The following TAS1R2 variants were observed in gnomAD, a reference collection of about 807,000 sequenced individuals.
TAS1R2 encodes taste receptor type 1 member 2.
Under a neutral mutation model 49.3 loss-of-function variants are expected in TAS1R2, and 47 were observed. That is an observed-to-expected ratio of 0.95 (90% CI 0.75 to 1.22). TAS1R2 has a LOEUF of 1.22. TAS1R2 is among the 50% of genes most tolerant of loss of function. The pLI is 0.00. For synonymous variants in TAS1R2, 479 were observed against 467.9 expected (o/e 1.02, Z -0.31); for missense variants, 1,155 against 1,122.1 (o/e 1.03, Z -0.42).
chr1:18,842,804 G>T (rs1034514258), intron 4 of TAS1R2, among the ~76,000 whole-genome samples: 7 of 152,176 alleles, frequency 4.6e-5, no homozygotes, highest in Non-Finnish European at 8.8e-5. Flanking sequence ...AGGAAGAAAT[G>T]GGGAGTTGTT....
At chr1:18,842,032 A>C (rs1298572850) in intron 4 of TAS1R2, among the ~76,000 whole-genome samples, 180 bp from the exon 5 acceptor site, 1 of 152,076 alleles carries the variant, frequency 6.6e-6, no homozygotes, top group East Asian at 1.9e-4. Context: ...TAAGGAAAGC[A>C]GCCATTCTGA....
At chr1:18,859,382 C>T (rs867708079) in intron 1 of TAS1R2, 97 bp downstream of exon 1, 1 of 1,440,012 alleles carries the variant, frequency 6.9e-7, no homozygotes, top group South Asian at 1.2e-5. Context: ...GTGCTTTAAG[C>T]CCTTGGTCCT....
exon 6 of TAS1R2, chr1:18,839,760 G>T (rs1232412599): frequency 6.2e-7 from 1 of 1,614,136 alleles, no homozygotes; most frequent in African/African-American, 1.3e-5. Flanking sequence ...ATGGTGACCA[G>T]CACCCCGCTG....
chr1:18,839,919 G>T, exon 6 of TAS1R2: 3 of 1,614,270 alleles, frequency 1.9e-6, no homozygotes, highest in Non-Finnish European at 2.5e-6. Context: ...AGCAGGTCCA[G>T]GCTGGTGTTG....
At chr1:18,839,867 T>C (rs1431427720) in exon 6 of TAS1R2, 2 of 1,614,080 alleles carry the variant, frequency 1.2e-6, no homozygotes, top group Non-Finnish European at 1.7e-6. Flanking sequence ...GGTGGGCAGC[T>C]CTTTGCCCAT....
Position 18,849,417 on chromosome 1 carries a change from C to T in TAS1R2, c.1391G>A (p.Ser464Asn), listed in dbSNP as rs75594164. ...CTGCAGGGGGTAGTAGGAGGCGACGCTCTGGAAGGGATTCTGGCTCCGGTC... is the reference window on the plus strand; with the variant it reads ...CTGCAGGGGGTAGTAGGAGGCGACGTTCTGGAAGGGATTCTGGCTCCGGTC... The change falls in exon 4 of 6, where the codon AGC becomes AAC. Residue 464 changes from serine (S) to asparagine (N), a missense_variant. Physicochemically the swap from Ser to Asn is conservative, Grantham distance 46 (BLOSUM62 1). Transcript: ENST00000375371. 869 of 1,614,236 alleles carry T rather than the reference C, an allele frequency of 5.4e-4. 5 individuals are homozygous for T. In the African/African-American group the frequency reaches 0.01, roughly 19 times the overall value.
In TAS1R2 at chr1:18,854,452, C is replaced by T. The variant is rs977494244; in HGVS notation, c.1018G>A (p.Glu340Lys). The change falls in exon 3 of 6, where the codon GAG (glutamate) becomes AAG (lysine). Residue 340 changes from glutamate (E) to lysine (K), a missense_variant. Transcript: ENST00000375371. This position sits in a 1 kb window ranked among gnomAD's most constrained non-coding sequence, Gnocchi z 4.9. ...GGCGGCCCAGCCTGTGGGCCCCACT[C>T]GCGGAACTCACTGAAGCCCGGGATG... 6 of 1,614,048 alleles carry T rather than the reference C, an allele frequency of 3.7e-6. No homozygotes were observed. The highest frequency in any genetic ancestry group is 2.2e-5 in the East Asian group (1 of 44,888).
chr1:18,853,962 G>T (rs1269216486), intron 3 of TAS1R2, among the ~76,000 whole-genome samples: 1 of 152,186 alleles, frequency 6.6e-6, no homozygotes, highest in East Asian at 1.9e-4. Flanking sequence ...GGGGAGGGGG[G>T]CGCTGCCGTT....
At chr1:18,847,592 C>T (rs946905381) in intron 4 of TAS1R2, among the ~76,000 whole-genome samples, 1 of 152,132 alleles carries the variant, frequency 6.6e-6, no homozygotes, top group South Asian at 2.1e-4. Flanking sequence ...TTTTAGATCT[C>T]TAGATCCCCT....
chr1:18,846,743 C>T (rs978482733), intron 4 of TAS1R2, among the ~76,000 whole-genome samples: 10 of 151,692 alleles, frequency 6.6e-5, no homozygotes, highest in African/African-American at 2.4e-4. Context: ...ACATGGAGAA[C>T]ACCACCTGAA....
chr1:18,859,515 A>G (rs769326789), exon 1 of TAS1R2: 9 of 1,614,062 alleles, frequency 5.6e-6, no homozygotes, highest in Non-Finnish European at 7.6e-6. Context: ...GTTAAGGTGA[A>G]CAATGCCCTT....
In TAS1R2 at chr1:18,854,794, G is replaced by T. The variant is rs770457690; in HGVS notation, c.676C>A (p.Arg226Ser). 5.6e-6 allele frequency: 9 copies of T among 1,605,034 alleles called. No individual in the cohort carries two copies. The highest frequency in any genetic ancestry group is 5.0e-5 in the Admixed American group (3 of 59,502). Reference sequence around the variant, plus strand: ...ATGCAGATGTCGCGCCGGGCCACGCGCTCGCCAAGCAGCTGGCCATTGTCG... The same window carrying T: ...ATGCAGATGTCGCGCCGGGCCACGCTCTCGCCAAGCAGCTGGCCATTGTCG... The change falls in exon 3 of 6, where the codon CGC becomes AGC. Residue 226 changes from arginine (R) to serine (S), a missense_variant. Transcript: ENST00000375371. The surrounding 1 kb of genome is among the most constrained non-coding windows in gnomAD (Gnocchi z 4.9).
chr1:18,852,633 G>A (rs1301318780), intron 3 of TAS1R2, among the ~76,000 whole-genome samples: 1 of 152,094 alleles, frequency 6.6e-6, no homozygotes, highest in Non-Finnish European at 1.5e-5. Context: ...AGACAAAGCC[G>A]CCTCTCCTTC....
chr1:18,854,181 C>G lies in TAS1R2; in HGVS notation c.1257+32G>C. The G allele has an allele frequency of 8.1e-6, 13 of 1,597,446 alleles. No homozygotes were observed. Among genetic ancestry groups the G allele is most frequent in the Non-Finnish European group, 1.1e-5 (13 of 1,169,360 alleles). On this transcript the variant is annotated intron_variant, in intron 3 of 5. Transcript: ENST00000375371. The surrounding 1 kb of genome is among the most constrained non-coding windows in gnomAD (Gnocchi z 4.9). ...ACCCCAGGGGAGGAGGATGGAGGTG[C>G]CCTGCAGACTCTATGGCAGCCACCC... is the stretch of plus-strand genomic sequence containing the variant.
Position 18,854,831 on chromosome 1 carries a change from G to C in TAS1R2, c.639C>G (p.Asp213Glu). Residue 213 changes from aspartate (D) to glutamate (E), a missense_variant, in exon 3 of 6, where the codon GAC becomes GAG. Physicochemically the swap from Asp to Glu is conservative, Grantham distance 45. Coordinates refer to ENST00000375371, the Ensembl canonical transcript of TAS1R2. The surrounding 1 kb of genome is among the most constrained non-coding windows in gnomAD (Gnocchi z 4.9). The stretch of plus-strand genomic sequence containing the variant: ...GCTGGCCATTGTCGCGGCCATAGGT[G>C]TCGCTGCTCACCAGCACAATGATCC... 6.2e-7 allele frequency: 1 copy of C among 1,608,286 alleles called. No homozygotes were observed. The highest frequency in any genetic ancestry group is 1.1e-5 in the South Asian group (1 of 90,922).
chr1:18,852,859 T>G (rs1208009177), intron 3 of TAS1R2, among the ~76,000 whole-genome samples: 3 of 152,262 alleles, frequency 2.0e-5, no homozygotes, highest in African/African-American at 7.2e-5. Flanking sequence ...GACTTCTTGC[T>G]GCACTTGGCA....
Position 18,854,508 on chromosome 1 carries a change from G to C in TAS1R2, c.962C>G (p.Thr321Ser), listed in dbSNP as rs1376513173. 6.2e-7 allele frequency: 1 copy of C among 1,614,014 alleles called. No homozygotes were observed. The highest frequency in any genetic ancestry group is 8.5e-7 in the Non-Finnish European group (1 of 1,180,002). The change falls in exon 3 of 6, where the codon ACC (threonine) becomes AGC (serine). Residue 321 changes from threonine to serine, a missense_variant. Thr to Ser is a moderately conservative substitution (Grantham distance 58, BLOSUM62 1). Transcript: ENST00000375371. The surrounding 1 kb of genome is among the most constrained non-coding windows in gnomAD (Gnocchi z 4.9). The stretch of plus-strand genomic sequence containing the variant: ...GCTCTGGATGGTGATGCCCAGGAAG[G>C]TGCCCAAGTGGCGCAGCTCCGTGAG...
Position 18,854,183 on chromosome 1 carries a change from C to T in TAS1R2, c.1257+30G>A, listed in dbSNP as rs1158279360. On this transcript the variant is annotated intron_variant, in intron 3 of 5. Transcript: ENST00000375371. The surrounding 1 kb of genome is among the most constrained non-coding windows in gnomAD (Gnocchi z 4.9). ...CCCAGGGGAGGAGGATGGAGGTGCC[C>T]TGCAGACTCTATGGCAGCCACCCCC... The T allele has an allele frequency of 1.0e-5, 16 of 1,601,048 alleles. No homozygotes were observed. The highest frequency in any genetic ancestry group is 1.4e-5 in the Non-Finnish European group (16 of 1,171,478).
intron 1 of TAS1R2, chr1:18,858,578 C>A (rs1402973457): frequency 2.0e-5 from 3 of 152,386 alleles, no homozygotes; most frequent in African/African-American, 7.2e-5. Flanking sequence ...TCACCATCAT[C>A]ACCACCATTA....
Sources: allele counts gnomAD v4.1 joint callset (sites outside exome capture counted in the v4.1 genomes callset), GRCh38; gene constraint gnomAD v4.1.1; non-coding constraint Gnocchi (gnomAD v3.1); transcripts MANE v1.5; gene names NCBI Gene and HGNC (gene_info 2026-07-23, HGNC 2026-07-21).